MCPH1: variants seen among roughly 807,000 people sequenced by gnomAD.
The protein encoded by MCPH1 is microcephalin 1.
A neutral mutation model predicts 84.5 loss-of-function variants in MCPH1; 104 were observed. The ratio of observed to expected loss-of-function variants is 1.23; its 90% CI spans 1.05 to 1.45. MCPH1 has a LOEUF of 1.45. MCPH1 is among the 40% of genes most tolerant of loss of function. MCPH1 has a pLI of 0.00. For synonymous variants in MCPH1, 514 were observed against 366.8 expected (o/e 1.40, Z -4.58); for missense variants, 1,498 against 1,005.7 (o/e 1.49, Z -6.62).
Position 6,569,009 on chromosome 8 carries a change from C to A in MCPH1, c.2215-52445C>A, listed in dbSNP as rs1467409869. On this transcript the variant is annotated intron_variant, in intron 12 of 13. Coordinates refer to ENST00000344683, the MANE Select transcript of MCPH1 (RefSeq NM_024596.5). ...GGGGCACACTCGGGACTCTTGGGCG[C>A]CTGGCACACTAAGCTGGGAGGGACT... Among the ~76,000 whole-genome samples, 3 of 152,200 alleles carry A rather than the reference C, an allele frequency of 2.0e-5. No homozygotes were observed. In the East Asian group the frequency reaches 5.8e-4, roughly 29 times the overall value.
At chr8:6,503,182 G>A (rs1205392510) in intron 12 of MCPH1, 17 of 1,614,132 alleles carry the variant, frequency 1.1e-5, no homozygotes, top group East Asian at 4.5e-5. Context: ...ATTTAATGCC[G>A]TTGAACTTAT....
chr8:6,513,643 T>G, intron 12 of MCPH1: 1 of 1,583,644 alleles, frequency 6.3e-7, no homozygotes, highest in Non-Finnish European at 8.6e-7. Context: ...ACAAATCTTT[T>G]AATTTTTTCT....
intron 3 of MCPH1, among the ~76,000 whole-genome samples, chr8:6,420,895 A>G (rs944583127): frequency 1.3e-5 from 2 of 152,194 alleles, no homozygotes; most frequent in African/African-American, 2.4e-5. Context: ...GAAGAGACTG[A>G]CGCAAGGGTC....
At chr8:6,576,682 ATTTTTTTTTTTT>A (rs58486084) in intron 12 of MCPH1, among the ~76,000 whole-genome samples, 624 of 41,926 alleles carry the variant, frequency 0.015, 1 homozygote, top group Non-Finnish European at 0.018. Context: ...TAATTTTTGT[ATTTTTTTTTTTT>A]TTTTTTTTTT....
chr8:6,425,506 T>A (rs1800922361), intron 3 of MCPH1, among the ~76,000 whole-genome samples: 1 of 152,170 alleles, frequency 6.6e-6, no homozygotes, highest in African/African-American at 2.4e-5. Context: ...TTCTTCATAG[T>A]GAGTGATGAT....
chr8:6,612,631 C>G (rs539758491), intron 12 of MCPH1, among the ~76,000 whole-genome samples: 4 of 152,340 alleles, frequency 2.6e-5, no homozygotes, highest in African/African-American at 9.6e-5. Flanking sequence ...GCTCTCTCTG[C>G]CCAGCTGGCT....
In MCPH1 at chr8:6,419,150, C is replaced by G. The variant is rs62504860; in HGVS notation, c.233+4267C>G. On this transcript the variant is annotated intron_variant, in intron 3 of 13. Coordinates refer to ENST00000344683, the MANE Select transcript of MCPH1 (RefSeq NM_024596.5). ...ACATACACACACACACACACACACA[C>G]AGACACACACACACACACACACACA... is the stretch of plus-strand genomic sequence containing the variant. 3.9e-3 allele frequency among the ~76,000 whole-genome samples: 354 copies of G among 91,864 alleles called. 2 individuals are homozygous for G. The highest frequency in any genetic ancestry group is 0.012 in the African/African-American group (342 of 29,052). 60.3% of individuals were successfully genotyped at this position (91,864 alleles called of 152,430 possible).
intron 3 of MCPH1, among the ~76,000 whole-genome samples, chr8:6,422,728 G>T (rs566067857): frequency 6.6e-6 from 1 of 152,240 alleles, no homozygotes; most frequent in African/African-American, 2.4e-5. Flanking sequence ...TCACTCTCTT[G>T]CCCAAGCTGG....
chr8:6,532,570 TC>T, intron 12 of MCPH1: 1 of 761,796 alleles, frequency 1.3e-6, no homozygotes, highest in Non-Finnish European at 1.8e-6. Context: ...CTCCTCCCTA[TC>T]TTTAAAAAAA....
intron 12 of MCPH1, among the ~76,000 whole-genome samples, chr8:6,503,692 T>C (rs1439681759): frequency 1.3e-5 from 2 of 152,188 alleles, no homozygotes. Context: ...AAATGATTTT[T>C]TCGGTTGAAG....
intron 12 of MCPH1, among the ~76,000 whole-genome samples, chr8:6,543,459 C>G (rs1176660115): frequency 1.3e-5 from 2 of 152,170 alleles, no homozygotes; most frequent in South Asian, 2.1e-4. Flanking sequence ...ACTTGAGACT[C>G]CTGTGAGCAA....
chr8:6,420,891 A>C (rs2442531), intron 3 of MCPH1, among the ~76,000 whole-genome samples: 148,289 of 152,246 alleles, frequency 0.97, 72,337 homozygotes, highest in East Asian at 1. Context: ...AAAAGAAGAG[A>C]CTGACGCAAG....
chr8:6,572,346 A>T (rs552712921), intron 12 of MCPH1, among the ~76,000 whole-genome samples: 27 of 152,342 alleles, frequency 1.8e-4, no homozygotes, highest in South Asian at 6.2e-4. Context: ...AATAAAAATT[A>T]AAAAATGGTA....
intron 12 of MCPH1, among the ~76,000 whole-genome samples, chr8:6,507,134 G>A (rs1300407268): frequency 6.6e-6 from 1 of 152,178 alleles, no homozygotes; most frequent in East Asian, 1.9e-4. Context: ...CTGACCTCAG[G>A]TGATCCATCC....
chr8:6,468,957 G>C (rs1022847327), intron 9 of MCPH1, among the ~76,000 whole-genome samples: 1 of 152,168 alleles, frequency 6.6e-6, no homozygotes, highest in African/African-American at 2.4e-5. Flanking sequence ...GGGAGGCTGA[G>C]GCAGGAGGAT....
intron 12 of MCPH1, among the ~76,000 whole-genome samples, chr8:6,565,169 G>A (rs1826051408): frequency 6.6e-6 from 1 of 152,218 alleles, no homozygotes; most frequent in Non-Finnish European, 1.5e-5. Flanking sequence ...AGTCTCCCTA[G>A]TCATAAGATG....
At chr8:6,450,282 G>A (rs1804949061) in intron 8 of MCPH1, among the ~76,000 whole-genome samples, 1 of 152,000 alleles carries the variant, frequency 6.6e-6, no homozygotes, top group Non-Finnish European at 1.5e-5. Flanking sequence ...CAATTAGGAA[G>A]TGGTCCACAA....
At chr8:6,504,295 G>A (rs576786299) in intron 12 of MCPH1, among the ~76,000 whole-genome samples, 1 of 138,364 alleles carries the variant, frequency 7.2e-6, no homozygotes, top group Non-Finnish European at 1.5e-5. Flanking sequence ...TCCAGCCTGG[G>A]CGACAGAGTG....
At chr8:6,608,631 A>G (rs1454879360) in intron 12 of MCPH1, among the ~76,000 whole-genome samples, 3 of 152,174 alleles carry the variant, frequency 2.0e-5, no homozygotes, top group Non-Finnish European at 2.9e-5. Context: ...CTTTGCTGTC[A>G]TTAGAATCGT....
Sources: gnomAD v4.1 joint callset for allele counts (sites outside exome capture counted in the v4.1 genomes callset) on GRCh38, gnomAD v4.1.1 for gene constraint, MANE v1.5 for transcripts, NCBI Gene and HGNC (gene_info 2026-07-23, HGNC 2026-07-21) for gene names.